The following RAPGEF4 variants were observed in gnomAD, a reference collection of about 807,000 sequenced individuals.
RAPGEF4 encodes the protein Rap guanine nucleotide exchange factor 4.
In RAPGEF4, 66 loss-of-function variants were observed where a neutral mutation model predicts 147.9. The observed-to-expected ratio is 0.45, with a 90% CI of 0.37 to 0.55. The LOEUF (loss-of-function observed/expected upper bound fraction) is 0.55, where lower values mean the gene tolerates loss of function less well. RAPGEF4 is among the 20% of genes least tolerant of loss of function. The probability of loss-of-function intolerance (pLI) is 0.00; values close to 1 mark genes in which losing one functional copy is unlikely to be tolerated. For missense variants in RAPGEF4, 1,071 were observed against 1,257.3 expected, an observed-to-expected ratio of 0.85 and a Z score of 2.24; for synonymous variants, 419 against 442.7, an observed-to-expected ratio of 0.95 and a Z score of 0.67.
chr2:172,803,691 C>T (rs572148591), intron 3 of RAPGEF4, among the ~76,000 whole-genome samples: 23 of 152,284 alleles, frequency 1.5e-4, no homozygotes, highest in African/African-American at 5.5e-4. Flanking sequence ...ATTTTATTTT[C>T]TATCACATTG....
At position 172,917,893 on chromosome 2, in the gene RAPGEF4, C is replaced by T. The variant is rs1559118902; in HGVS notation, c.517+19C>T. 1.4e-5 allele frequency: 22 copies of T among 1,601,750 alleles called. No individual in the cohort carries two copies. The highest frequency in any genetic ancestry group is 1.8e-5 in the Non-Finnish European group (21 of 1,169,058). The stretch of plus-strand genomic sequence containing the variant: ...AATGACAGTAAGTGGAAAATGTGAA[C>T]ATTTTGTATCTAAAAATTTGTCGTG... On this transcript the variant is annotated intron_variant, in intron 5 of 30. Transcript: ENST00000397081.
intron 6 of RAPGEF4, among the ~76,000 whole-genome samples, chr2:172,932,330 A>T (rs1460974312): frequency 6.6e-6 from 1 of 152,238 alleles, no homozygotes; most frequent in South Asian, 2.1e-4. Flanking sequence ...TAAATGCAGC[A>T]TGGTCTGGTC....
At chr2:173,039,831 G>A (rs929197065) in intron 29 of RAPGEF4, among the ~76,000 whole-genome samples, 4 of 152,184 alleles carry the variant, frequency 2.6e-5, no homozygotes, top group African/African-American at 9.7e-5. Context: ...TAAGTTCTCT[G>A]TTCCAGCCAC....
intron 1 of RAPGEF4, among the ~76,000 whole-genome samples, chr2:172,755,591 T>G (rs999743723): frequency 6.6e-6 from 1 of 152,154 alleles, no homozygotes; most frequent in African/African-American, 2.4e-5. Flanking sequence ...AGACAGGGTT[T>G]CACCGTGTTG....
At chr2:172,885,437 C>T (rs530528260) in intron 4 of RAPGEF4, among the ~76,000 whole-genome samples, 1 of 152,160 alleles carries the variant, frequency 6.6e-6, no homozygotes, top group African/African-American at 2.4e-5. Context: ...CAGCTGGTCG[C>T]CCTGTGTATT....
chr2:172,936,015 T>C (rs1285055653), intron 6 of RAPGEF4, among the ~76,000 whole-genome samples: 1 of 152,194 alleles, frequency 6.6e-6, no homozygotes, highest in African/African-American at 2.4e-5. Context: ...GATGGTGGAT[T>C]TTAAAAAATA....
intron 25 of RAPGEF4, among the ~76,000 whole-genome samples, chr2:173,028,430 C>T (rs1696862831): frequency 6.6e-6 from 1 of 152,014 alleles, no homozygotes; most frequent in African/African-American, 2.4e-5. Flanking sequence ...TGGCAGTGCC[C>T]AATGCAACAA....
intron 1 of RAPGEF4, among the ~76,000 whole-genome samples, chr2:172,782,084 G>A (rs1684734735): frequency 6.6e-6 from 1 of 152,072 alleles, no homozygotes; most frequent in Non-Finnish European, 1.5e-5. Context: ...CTGGGGAGGT[G>A]GCAAGATGCA....
At chr2:172,945,682 A>C (rs1306591674) in intron 6 of RAPGEF4, among the ~76,000 whole-genome samples, 1 of 152,170 alleles carries the variant, frequency 6.6e-6, no homozygotes, top group Non-Finnish European at 1.5e-5. Context: ...CTATGCTATT[A>C]AAATAATGGC....
At chr2:172,958,394 A>G (rs991656564) in intron 6 of RAPGEF4, among the ~76,000 whole-genome samples, 11 of 152,330 alleles carry the variant, frequency 7.2e-5, no homozygotes, top group Non-Finnish European at 1.3e-4. Context: ...AGAAATATGT[A>G]GCGTGTTTTA....
intron 4 of RAPGEF4, among the ~76,000 whole-genome samples, chr2:172,906,782 C>G (rs1478561137): frequency 6.6e-6 from 1 of 151,790 alleles, no homozygotes; most frequent in East Asian, 1.9e-4. Context: ...CCTGCCAGGA[C>G]CCTGTCTTCA....
intron 3 of RAPGEF4, among the ~76,000 whole-genome samples, chr2:172,801,538 A>G (rs972363870): frequency 2.6e-5 from 4 of 152,088 alleles, no homozygotes; most frequent in Non-Finnish European, 5.9e-5. Flanking sequence ...ACAGGAGGCT[A>G]TGTGCCCAGT....
chr2:172,912,744 A>C lies in RAPGEF4; in HGVS notation c.445-5058A>C, dbSNP rs189278225. ...AGCAGCTGCCACGGGTATTTTTCCT[A>C]GAAGCCTCTTTGGCTAGATCCATCA... On this transcript the variant is annotated intron_variant, in intron 4 of 30. Transcript: ENST00000397081. Among the ~76,000 whole-genome samples the C allele has an allele frequency of 1.2e-3, 188 of 152,294 alleles. 1 individual carries two copies. Among genetic ancestry groups the C allele is most frequent in the African/African-American group, 4.4e-3 (181 of 41,564 alleles).
chr2:173,028,903 G>A lies in RAPGEF4; in HGVS notation c.2559-1261G>A, dbSNP rs182920990. On this transcript the variant is annotated intron_variant, in intron 25 of 30. Coordinates refer to ENST00000397081, the MANE Select transcript of RAPGEF4 (RefSeq NM_007023.4). ...TGTTCTTATTCCTCTGTTTACATTC[G>A]TGGAGGCATAGAGAAATTTCATGAC... Among the ~76,000 whole-genome samples the A allele has an allele frequency of 6.6e-5, 10 of 152,302 alleles. No individual in the cohort carries two copies. In the East Asian group the frequency reaches 7.7e-4, roughly 12 times the overall value.
intron 4 of RAPGEF4, among the ~76,000 whole-genome samples, chr2:172,902,180 G>C (rs1371376922): frequency 1.3e-5 from 2 of 152,148 alleles, no homozygotes; most frequent in Non-Finnish European, 2.9e-5. Context: ...GGAGGCGAGT[G>C]GGGGCTGAGG....
chr2:173,038,248 T>C (rs906320734), intron 29 of RAPGEF4, among the ~76,000 whole-genome samples: 1 of 152,250 alleles, frequency 6.6e-6, no homozygotes, highest in African/African-American at 2.4e-5. Flanking sequence ...TTAGTATGGA[T>C]AATTAAACAA....
chr2:172,909,379 C>A (rs935148779), intron 4 of RAPGEF4, among the ~76,000 whole-genome samples: 2 of 152,214 alleles, frequency 1.3e-5, no homozygotes, highest in Non-Finnish European at 2.9e-5. Flanking sequence ...TTTATCTCTG[C>A]TAACTCTCTA....
At chr2:172,800,648 C>T (rs1172617224) in intron 3 of RAPGEF4, among the ~76,000 whole-genome samples, 1 of 152,142 alleles carries the variant, frequency 6.6e-6, no homozygotes, top group African/African-American at 2.4e-5. Flanking sequence ...AAGTCTAGAG[C>T]TGGCAGGCTG....
At chr2:172,804,984 AG>A in intron 3 of RAPGEF4, among the ~76,000 whole-genome samples, 1 of 152,226 alleles carries the variant, frequency 6.6e-6, no homozygotes, top group South Asian at 2.1e-4. Context: ...CCATTGTAGG[AG>A]GCGTGAGTTG....
Sources: gnomAD v4.1 joint callset for allele counts (sites outside exome capture counted in the v4.1 genomes callset) on GRCh38, gnomAD v4.1.1 for gene constraint, MANE v1.5 for transcripts, NCBI Gene and HGNC (gene_info 2026-07-23, HGNC 2026-07-21) for gene names.